Variants in PARD3 observed in about 807,000 individuals in gnomAD.
The protein encoded by PARD3 is partitioning defective 3 homolog.
A neutral mutation model predicts 155.4 loss-of-function variants in PARD3; 75 were observed. The ratio of observed to expected loss-of-function variants is 0.48; its 90% confidence interval spans 0.40 to 0.58. The LOEUF (loss-of-function observed/expected upper bound fraction) is 0.58, where lower values mean the gene tolerates loss of function less well. Ranked by LOEUF, PARD3 falls within the 20% of genes least tolerant of loss-of-function variation. The pLI, the probability that PARD3 is intolerant of heterozygous loss-of-function variation, is 0.00. For synonymous variants in PARD3, 576 were observed against 610.5 expected, an observed-to-expected ratio of 0.94 and a Z score of 0.83; for missense variants, 1,642 against 1,721.7, an observed-to-expected ratio of 0.95 and a Z score of 0.82.
At chr10:34,641,214 C>T (rs1371854624) in intron 2 of PARD3, among the ~76,000 whole-genome samples, 2 of 152,128 alleles carry the variant, frequency 1.3e-5, no homozygotes, top group African/African-American at 4.8e-5. Flanking sequence ...AAAAGAACTC[C>T]GATAATGAAC....
chr10:34,284,670 C>G (rs1564547760), intron 20 of PARD3, among the ~76,000 whole-genome samples: 2 of 152,124 alleles, frequency 1.3e-5, no homozygotes, highest in African/African-American at 4.8e-5. Flanking sequence ...TTTCCATAAA[C>G]AACTATTCTT....
At chr10:34,777,820 C>T (rs1307800196) in intron 1 of PARD3, among the ~76,000 whole-genome samples, 2 of 152,054 alleles carry the variant, frequency 1.3e-5, no homozygotes, top group Non-Finnish European at 2.9e-5. Context: ...GTGTGAGCCA[C>T]CTCACCCAGC....
intron 20 of PARD3, among the ~76,000 whole-genome samples, chr10:34,315,952 T>C (rs1478945548): frequency 6.6e-6 from 1 of 152,196 alleles, no homozygotes; most frequent in Non-Finnish European, 1.5e-5. Flanking sequence ...TAATCAGACA[T>C]CTACAGAACA....
intron 1 of PARD3, among the ~76,000 whole-genome samples, chr10:34,804,134 A>C (rs1843106328): frequency 6.6e-6 from 1 of 151,874 alleles, no homozygotes; most frequent in Admixed American, 6.6e-5. Context: ...CCCGGGTTCA[A>C]GCCATTCTCA....
At chr10:34,410,709 C>T (rs1844959135) in intron 5 of PARD3, among the ~76,000 whole-genome samples, 1 of 152,212 alleles carries the variant, frequency 6.6e-6, no homozygotes, top group South Asian at 2.1e-4. Flanking sequence ...TCTTGCAAAT[C>T]TGCATGTCTT....
At chr10:34,195,931 G>A (rs529416827) in intron 22 of PARD3, among the ~76,000 whole-genome samples, 31 of 152,340 alleles carry the variant, frequency 2.0e-4, no homozygotes, top group Non-Finnish European at 2.6e-4. Context: ...TCACAGAGTT[G>A]CTGTGAAAGT....
At chr10:34,151,015 T>C (rs1272641221) in intron 22 of PARD3, among the ~76,000 whole-genome samples, 1 of 152,154 alleles carries the variant, frequency 6.6e-6, no homozygotes, top group African/African-American at 2.4e-5. Flanking sequence ...GTTCACCATA[T>C]CCTCAGGATT....
At chr10:34,411,832 A>G (rs971659100) in intron 5 of PARD3, among the ~76,000 whole-genome samples, 2 of 151,892 alleles carry the variant, frequency 1.3e-5, no homozygotes, top group Non-Finnish European at 2.9e-5. Context: ...TAATACAATC[A>G]TATTTGTGGA....
At chr10:34,735,558 T>C (rs546491212) in intron 1 of PARD3, among the ~76,000 whole-genome samples, 1 of 152,346 alleles carries the variant, frequency 6.6e-6, no homozygotes, top group South Asian at 2.1e-4. Context: ...ATCTGGCTTA[T>C]ATTAAGCATT....
At chr10:34,345,809 G>A in intron 15 of PARD3, 2 of 985,120 alleles carry the variant, frequency 2.0e-6, no homozygotes, top group Non-Finnish European at 1.2e-6. Context: ...AACTTTAAGT[G>A]GTAACTAATT....
At chr10:34,175,887 G>A (rs1368935841) in intron 22 of PARD3, among the ~76,000 whole-genome samples, 3 of 152,114 alleles carry the variant, frequency 2.0e-5, no homozygotes, top group Non-Finnish European at 2.9e-5. Context: ...AGGTGTTTAC[G>A]TTCCTAAGCT....
chr10:34,491,981 T>C (rs1020035248), intron 3 of PARD3, among the ~76,000 whole-genome samples: 2 of 152,128 alleles, frequency 1.3e-5, no homozygotes, highest in Admixed American at 6.6e-5. Flanking sequence ...ATTGTCAAAA[T>C]GTCACAGACA....
At chr10:34,145,183 GTGTGTGTATATATATA>G (rs1308700800) in intron 22 of PARD3, among the ~76,000 whole-genome samples, 1 of 80,252 alleles carries the variant, frequency 1.2e-5, no homozygotes, top group African/African-American at 5.6e-5. Flanking sequence ...CATTGTGTGT[GTGTGTGTATATATATA>G]TATATATATA....
In PARD3 at chr10:34,270,419, A is replaced by G. The variant is rs568611487; in HGVS notation, c.3177-520T>C. Among the ~76,000 whole-genome samples the G allele has an allele frequency of 5.3e-5, 8 of 152,288 alleles. No homozygotes were observed. In the East Asian group the frequency reaches 1.4e-3, roughly 26 times the overall value. On this transcript the variant is annotated intron_variant, in intron 21 of 24. Transcript: ENST00000374788. ...CAGCCTCCCAAAGTGCTGGGATTAC[A>G]AGTGTGAGCCACCGTGCCTGGCCAT...
chr10:34,579,793 T>C (rs1354204262), intron 2 of PARD3, among the ~76,000 whole-genome samples: 1 of 151,754 alleles, frequency 6.6e-6, no homozygotes, highest in Non-Finnish European at 1.5e-5. Context: ...GTCAGGCTGG[T>C]CTCGAACTCC....
chr10:34,662,629 T>G (rs2093351668), intron 2 of PARD3, among the ~76,000 whole-genome samples: 1 of 152,062 alleles, frequency 6.6e-6, no homozygotes, highest in African/African-American at 2.4e-5. Flanking sequence ...TCCCAGCACT[T>G]TGGGAGGCAG....
At chr10:34,443,653 G>A (rs1321037886) in intron 5 of PARD3, among the ~76,000 whole-genome samples, 1 of 152,096 alleles carries the variant, frequency 6.6e-6, no homozygotes, top group Non-Finnish European at 1.5e-5. Context: ...CTGCCCCCAT[G>A]ATTCAATTAC....
intron 3 of PARD3, among the ~76,000 whole-genome samples, chr10:34,515,332 CATAA>C (rs1369917440): frequency 1.3e-5 from 2 of 152,214 alleles, no homozygotes; most frequent in African/African-American, 2.4e-5. Context: ...TGCATATGTG[CATAA>C]ATAAAGCTAA....
intron 1 of PARD3, among the ~76,000 whole-genome samples, chr10:34,787,933 C>A (rs1841181148): frequency 6.6e-6 from 1 of 151,874 alleles, no homozygotes; most frequent in Non-Finnish European, 1.5e-5. Flanking sequence ...GGAACACAAC[C>A]ACCATGCCCA....
Sources: gnomAD v4.1 joint callset for allele counts (sites outside exome capture counted in the v4.1 genomes callset) on GRCh38, gnomAD v4.1.1 for gene constraint, MANE v1.5 for transcripts, NCBI Gene and HGNC (gene_info 2026-07-23, HGNC 2026-07-21) for gene names.